The following IGFBPL1 variants were observed in gnomAD, a reference collection of about 807,000 sequenced individuals.
IGFBPL1 encodes insulin-like growth factor-binding protein-like 1.
Under a neutral mutation model 23.9 loss-of-function variants are expected in IGFBPL1, and 20 were observed. That is an observed-to-expected ratio of 0.84 (90% confidence interval 0.59 to 1.22). The LOEUF (loss-of-function observed/expected upper bound fraction) is 1.22, where lower values mean the gene tolerates loss of function less well. IGFBPL1 is among the 50% of genes most tolerant of loss of function. The pLI, the probability that IGFBPL1 is intolerant of heterozygous loss-of-function variation, is 0.00. For synonymous variants in IGFBPL1, 184 were observed against 171.8 expected (o/e 1.07, Z -0.56); for missense variants, 436 against 379.3 (o/e 1.15, Z -1.24).
At chr9:38,414,306 A>G (rs1241203957) in intron 1 of IGFBPL1, 103 bp from the exon 2 acceptor site, 4 of 662,192 alleles carry the variant, frequency 6.0e-6, no homozygotes, top group South Asian at 1.8e-5. Flanking sequence ...ATGTCCTGAC[A>G]TGAGGGGAGC....
chr9:38,421,715 C>T (rs1821682546), intron 1 of IGFBPL1, among the ~76,000 whole-genome samples: 1 of 152,170 alleles, frequency 6.6e-6, no homozygotes, highest in South Asian at 2.1e-4. Context: ...TTTAGGGCAG[C>T]ACAGAATGAG....
intron 2 of IGFBPL1, among the ~76,000 whole-genome samples, chr9:38,413,649 T>C (rs769346173): frequency 6.6e-6 from 1 of 152,236 alleles, no homozygotes; most frequent in Admixed American, 6.5e-5. Flanking sequence ...CAACATTCGC[T>C]GTGATCCTTG....
intron 1 of IGFBPL1, among the ~76,000 whole-genome samples, chr9:38,414,819 G>A (rs1032539167): frequency 6.6e-6 from 1 of 152,186 alleles, no homozygotes; most frequent in African/African-American, 2.4e-5. Flanking sequence ...GGGAATCAGG[G>A]AAATGTGGTT....
At chr9:38,414,887 C>T (rs1821576918) in intron 1 of IGFBPL1, among the ~76,000 whole-genome samples, 1 of 152,154 alleles carries the variant, frequency 6.6e-6, no homozygotes, top group South Asian at 2.1e-4. Context: ...CTGGACAGGA[C>T]CCAGTGTTAG....
Position 38,406,605 on chromosome 9 carries a change from C to G in IGFBPL1, c.*2622G>C, listed in dbSNP as rs1338128570. On this transcript the variant is annotated 3_prime_UTR_variant, in exon 5 of 5. Transcript: ENST00000377694. The stretch of plus-strand genomic sequence containing the variant: ...CATCTACAAAAACGGTAGAAAAACC[C>G]AGGTTTGGTGCGGGGAGTGGGGGCA... 6.6e-6 allele frequency among the ~76,000 whole-genome samples: 1 copy of G among 152,032 alleles called. No homozygotes were observed. Among genetic ancestry groups the G allele is most frequent in the Non-Finnish European group, 1.5e-5 (1 of 68,020 alleles).
chr9:38,413,714 C>T (rs997772647), intron 2 of IGFBPL1, among the ~76,000 whole-genome samples: 1 of 152,184 alleles, frequency 6.6e-6, no homozygotes, highest in African/African-American at 2.4e-5. Flanking sequence ...AGGACTGAGT[C>T]TTCTGCCACC....
Position 38,408,396 on chromosome 9 carries a change from C to G in IGFBPL1, c.*831G>C, listed in dbSNP as rs1283378362. On this transcript the variant is annotated 3_prime_UTR_variant, in exon 5 of 5. Coordinates refer to ENST00000377694, the MANE Select transcript of IGFBPL1 (RefSeq NM_001007563.3). ...TGAGCCATGATCACGCCACTGCACTCCAGCCTGGGTGATAGAGCGAGACCC... is the reference window on the plus strand; with the variant it reads ...TGAGCCATGATCACGCCACTGCACTGCAGCCTGGGTGATAGAGCGAGACCC... Among the ~76,000 whole-genome samples the G allele has an allele frequency of 6.6e-6, 1 of 152,000 alleles. No homozygotes were observed. Among genetic ancestry groups the G allele is most frequent in the African/African-American group, 2.4e-5 (1 of 41,380 alleles).
At chr9:38,414,033 TCACACACACACA>T (rs3045140) in intron 2 of IGFBPL1, 49 bp downstream of exon 2, 74 of 761,226 alleles carry the variant, frequency 9.7e-5, no homozygotes, top group Non-Finnish European at 1.5e-4. Context: ...TCCCTCTTTC[TCACACACACACA>T]CACACACACA....
intron 1 of IGFBPL1, among the ~76,000 whole-genome samples, chr9:38,419,884 TCCTC>T (rs1563920735): frequency 7.4e-6 from 1 of 135,116 alleles, no homozygotes; most frequent in Non-Finnish European, 1.6e-5. Flanking sequence ...CTCCTCCTCC[TCCTC>T]CTCCTTCTTC....
intron 1 of IGFBPL1, among the ~76,000 whole-genome samples, chr9:38,419,860 TCC>T (rs1476724065): frequency 1.5e-4 from 18 of 122,630 alleles, no homozygotes; most frequent in Admixed American, 1.8e-4. Context: ...CTTCTCCTCC[TCC>T]CCCTCCTCCT....
chr9:38,418,834 T>C (rs1821634809), intron 1 of IGFBPL1, among the ~76,000 whole-genome samples: 1 of 152,078 alleles, frequency 6.6e-6, no homozygotes, highest in Non-Finnish European at 1.5e-5. Context: ...CAGATGCACA[T>C]GGTCACAGGA....
Position 38,424,011 on chromosome 9 carries a change from C to T in IGFBPL1, c.414G>A (p.Ala138=). The T allele has an allele frequency of 7.1e-7, 1 of 1,407,730 alleles. No homozygotes were observed. Among genetic ancestry groups the T allele is most frequent in the Non-Finnish European group, 9.2e-7 (1 of 1,091,022 alleles). The allele number at this position is 1,407,730 out of a possible 1,614,324, so 87.2% of individuals were successfully genotyped here. Residue 138 remains alanine (A), a synonymous_variant, in exon 1 of 5, where the codon GCG becomes GCA. Coordinates refer to ENST00000377694, the MANE Select transcript of IGFBPL1 (RefSeq NM_001007563.3). ...LRLRARHTPR[A]HPGHLHKARD... is the part of the protein sequence containing the mutation. ...GCGCCTTGTGCAGGTGACCGGGGTG[C>T]GCGCGGGGCGTGTGCCGAGCGCGCA...
chr9:38,414,745 C>T (rs1821568848), intron 1 of IGFBPL1, among the ~76,000 whole-genome samples: 1 of 152,130 alleles, frequency 6.6e-6, no homozygotes, highest in South Asian at 2.1e-4. Context: ...TAAAGACTCC[C>T]CAGGGCTCCC....
Position 38,408,223 on chromosome 9 carries a change from GGGC to G in IGFBPL1, c.*1001_*1003del. ...GAGCATAGGAATTTGAGACCAGCCT[GGGC>G]GGCAACATAGGGAGACCCTGTCTCT... On this transcript the variant is annotated 3_prime_UTR_variant, in exon 5 of 5. Transcript: ENST00000377694. 2.0e-5 allele frequency among the ~76,000 whole-genome samples: 3 copies of G among 146,428 alleles called. No individual in the cohort carries two copies. Among genetic ancestry groups the G allele is most frequent in the Non-Finnish European group, 3.0e-5 (2 of 66,940 alleles).
Position 38,424,160 on chromosome 9 carries a change from G to C in IGFBPL1, c.265C>G (p.Leu89Val). The C allele has an allele frequency of 8.4e-7, 1 of 1,193,602 alleles. No homozygotes were observed. Among genetic ancestry groups the C allele is most frequent in the Non-Finnish European group, 1.0e-6 (1 of 964,516 alleles). The allele number at this position is 1,193,602 out of a possible 1,614,324, so 73.9% of individuals were successfully genotyped here. A position where few individuals can be genotyped will look rare whatever the true frequency, so the allele number is the denominator to read the frequency against. Residue 89 changes from leucine (L) to valine (V), a missense_variant, in exon 1 of 5, where the codon CTG (leucine) becomes GTG (valine). By Grantham distance (32) the Leu-to-Val change is conservative. Coordinates refer to ENST00000377694, the MANE Select transcript of IGFBPL1 (RefSeq NM_001007563.3). ...CCAGCGGCCTGGCTCGCGCATACCA[G>C]GCCGGGGCCACAGCGCCCGCCGGCG... is the stretch of plus-strand genomic sequence containing the variant. ...GRAGGRCGPG[L>V]VCASQAAGAA...
chr9:38,424,349 G>C lies in IGFBPL1; in HGVS notation c.76C>G (p.Leu26Val). The C allele has an allele frequency of 1.2e-6, 1 of 860,428 alleles. No individual in the cohort carries two copies. The highest frequency in any genetic ancestry group is 1.7e-6 in the Non-Finnish European group (1 of 572,674). 53.3% of individuals were successfully genotyped at this position (860,428 alleles called of 1,614,324 possible). ...LPLLPPLSPSLGIRDVGGRRP... is the reference protein window; with the variant it reads ...LPLLPPLSPSVGIRDVGGRRP... ...CGGCCGCCCACGTCGCGGATCCCAAGGCTCGGGGACAGCGGCGGCAGCAGC... is the reference window on the plus strand; with the variant it reads ...CGGCCGCCCACGTCGCGGATCCCAACGCTCGGGGACAGCGGCGGCAGCAGC... Residue 26 changes from leucine (L) to valine (V), a missense_variant, in exon 1 of 5, where the codon CTT becomes GTT. Physicochemically the swap from Leu to Val is conservative, Grantham distance 32. Coordinates refer to ENST00000377694, the MANE Select transcript of IGFBPL1 (RefSeq NM_001007563.3).
At position 38,424,434 on chromosome 9, in the gene IGFBPL1, CG is replaced by C; in HGVS notation, c.-11del. On this transcript the variant is annotated 5_prime_UTR_variant, in exon 1 of 5. Coordinates refer to ENST00000377694, the MANE Select transcript of IGFBPL1 (RefSeq NM_001007563.3). ...GAGACAAGCGCGGCATGGCTTGCTC[CG>C]GGACAGCGGCGGCGCCTCTGCTTCG... 1.8e-6 allele frequency: 1 copy of C among 550,582 alleles called. No homozygotes were observed. The highest frequency in any genetic ancestry group is 3.2e-6 in the Non-Finnish European group (1 of 309,684). The allele number at this position is 550,582 out of a possible 1,614,324, so 34.1% of individuals were successfully genotyped here. A position where few individuals can be genotyped will look rare whatever the true frequency, so the allele number is the denominator to read the frequency against.
intron 1 of IGFBPL1, among the ~76,000 whole-genome samples, chr9:38,421,320 T>C (rs578083318): frequency 2.0e-5 from 3 of 147,936 alleles, no homozygotes; most frequent in African/African-American, 7.4e-5. Flanking sequence ...GCAAAAGCAA[T>C]TTCCAACAGT....
intron 1 of IGFBPL1, among the ~76,000 whole-genome samples, chr9:38,414,955 G>A (rs928306728): frequency 2.0e-5 from 3 of 152,192 alleles, no homozygotes; most frequent in African/African-American, 7.2e-5. Context: ...CATCTGCTCT[G>A]CTCACACTGG....
Sources: gnomAD v4.1 joint callset for allele counts (sites outside exome capture counted in the v4.1 genomes callset) on GRCh38, gnomAD v4.1.1 for gene constraint, MANE v1.5 for transcripts, NCBI Gene and HGNC (gene_info 2026-07-23, HGNC 2026-07-21) for gene names.